FANCA: variants seen among roughly 807,000 people sequenced by gnomAD.
FANCA encodes the protein Fanconi anemia group A protein.
Under a neutral mutation model 194.3 loss-of-function variants are expected in FANCA, and 236 were observed. The observed-to-expected ratio is 1.21, with a 90% CI of 1.09 to 1.35. FANCA has a LOEUF of 1.35. Among genes scored for constraint, FANCA ranks in the 40% most tolerant of loss-of-function variants. The pLI is 0.00. For missense variants in FANCA, 2,628 were observed against 1,813.9 expected (o/e 1.45, Z -8.15); for synonymous variants, 1,014 against 715.8 (o/e 1.42, Z -6.65).
At chr16:89,783,137 C>T in intron 15 of FANCA, 35 bp from the exon 16 acceptor site, 1 of 1,529,894 alleles carries the variant, frequency 6.5e-7, no homozygotes, top group Non-Finnish European at 9.0e-7. Context: ...CACCGTTAGT[C>T]TGGGAACTGC....
chr16:89,739,288 G>A lies in FANCA; in HGVS notation c.4012C>T (p.Leu1338Phe). ...TRLLPFAFYS[L>F]LSYFHEDAAI... is the part of the protein sequence containing the mutation. Reference sequence around the variant, plus strand: ...GCGTCTTCATGGAAGTAGGAGAGAAGACTAGAGGTAAAGACATAGTGACAA... The same window carrying A: ...GCGTCTTCATGGAAGTAGGAGAGAAAACTAGAGGTAAAGACATAGTGACAA... The change falls in exon 41 of 43, where the codon CTT becomes TTT. Residue 1338 changes from leucine to phenylalanine, a missense_variant and splice_region_variant. Coordinates refer to ENST00000389301, the MANE Select transcript of FANCA (RefSeq NM_000135.4). 3 of 1,614,132 alleles carry A rather than the reference G, an allele frequency of 1.9e-6. No individual in the cohort carries two copies. The highest frequency in any genetic ancestry group is 2.5e-6 in the Non-Finnish European group (3 of 1,180,032).
chr16:89,783,856 C>G (rs923816093), intron 15 of FANCA, among the ~76,000 whole-genome samples: 2 of 151,952 alleles, frequency 1.3e-5, no homozygotes, highest in Non-Finnish European at 2.9e-5. Context: ...CTCCGCCTCC[C>G]GGGTTCAAGC....
At position 89,745,021 on chromosome 16, in the gene FANCA, G is replaced by T. The variant is rs1223685152; in HGVS notation, c.3564C>A (p.His1188Gln). ...GTTCCCGGGGCAGCGGGCTCTGGCA[G>T]TGTCTCCTCCACCGGCAGAGCAGCA... Reference protein sequence around the residue: ...EPVLLCRWRRHCQSPLPRELQ... With the variant: ...EPVLLCRWRRQCQSPLPRELQ... The change falls in exon 36 of 43, where the codon CAC (histidine) becomes CAA (glutamine). Residue 1188 changes from histidine to glutamine, a missense_variant. Physicochemically the swap from His to Gln is conservative, Grantham distance 24. Transcript: ENST00000389301. The T allele has an allele frequency of 6.2e-7, 1 of 1,610,756 alleles. No homozygotes were observed. The highest frequency in any genetic ancestry group is 8.5e-7 in the Non-Finnish European group (1 of 1,179,860).
chr16:89,776,231 G>C (rs1332912412), intron 20 of FANCA, among the ~76,000 whole-genome samples: 2 of 140,016 alleles, frequency 1.4e-5, no homozygotes, highest in South Asian at 2.3e-4. Context: ...GCAGTGGTGC[G>C]ATCTCGGCTC....
At position 89,796,002 on chromosome 16, in the gene FANCA, C is replaced by T; in HGVS notation, c.910G>A (p.Gly304Arg). ...IVRCWFGVFS[G>R]HTLGSVISTD... Reference sequence around the variant, plus strand: ...GAAATTACACTGCCAAGCGTGTGTCCACTGAACACTCCGAACCTGCCAATG... The same window carrying T: ...GAAATTACACTGCCAAGCGTGTGTCTACTGAACACTCCGAACCTGCCAATG... The change falls in exon 11 of 43, where the codon GGA becomes AGA. Residue 304 changes from glycine to arginine, a missense_variant. By Grantham distance (125) the Gly-to-Arg change is moderately radical. Transcript: ENST00000389301. 6.2e-7 allele frequency: 1 copy of T among 1,614,002 alleles called. No individual in the cohort carries two copies. Among genetic ancestry groups the T allele is most frequent in the South Asian group, 1.1e-5 (1 of 91,086 alleles).
At chr16:89,774,773 G>A (rs1211923637) in intron 21 of FANCA, among the ~76,000 whole-genome samples, 1 of 135,142 alleles carries the variant, frequency 7.4e-6, no homozygotes, top group East Asian at 2.2e-4. Context: ...AGCCTCCCTG[G>A]CCCTGCAGGT....
chr16:89,744,702 T>G (rs1429718129), intron 36 of FANCA: 4 of 513,726 alleles, frequency 7.8e-6, no homozygotes, highest in Non-Finnish European at 1.4e-5. Context: ...AGAGTCTTGC[T>G]CTATTGGCCG....
Position 89,738,724 on chromosome 16 carries a change from A to ACTC in FANCA, c.4261-17_4261-16insGAG. On this transcript the variant is annotated splice_polypyrimidine_tract_variant and intron_variant, in intron 42 of 42. Transcript: ENST00000389301. The stretch of plus-strand genomic sequence containing the variant: ...CAGCCAGCAGCTGTGAGAGAGGAGC[A>ACTC]GGTCCTCAGCCCATGCCGCCCACTA... The ACTC allele has an allele frequency of 6.2e-7, 1 of 1,613,602 alleles. No individual in the cohort carries two copies. Among genetic ancestry groups the ACTC allele is most frequent in the African/African-American group, 1.3e-5 (1 of 75,050 alleles).
At position 89,799,150 on chromosome 16, in the gene FANCA, A is replaced by G. The variant is rs777027445; in HGVS notation, c.893+16T>C. On this transcript the variant is annotated intron_variant, in intron 10 of 42. Coordinates refer to ENST00000389301, the MANE Select transcript of FANCA (RefSeq NM_000135.4). ...TCCCTGCTGCACACTCAGGCAGGCCACCCTCAGGAACATACCAGCACCTCA... is the reference window on the plus strand; with the variant it reads ...TCCCTGCTGCACACTCAGGCAGGCCGCCCTCAGGAACATACCAGCACCTCA... 2.5e-6 allele frequency: 4 copies of G among 1,614,032 alleles called. No homozygotes were observed. The Admixed American group carries it at 6.7e-5, about 27-fold the overall frequency.
At chr16:89,815,454 C>G (rs911823685) in intron 2 of FANCA, among the ~76,000 whole-genome samples, 1 of 142,250 alleles carries the variant, frequency 7.0e-6, no homozygotes, top group African/African-American at 2.6e-5. Flanking sequence ...GGTCCAGGTT[C>G]AAGCAATTCT....
intron 3 of FANCA, among the ~76,000 whole-genome samples, chr16:89,812,337 C>CA (rs1377059641): frequency 6.7e-6 from 1 of 148,328 alleles, no homozygotes; most frequent in Non-Finnish European, 1.5e-5. Flanking sequence ...GACTTCATCT[C>CA]AAAAAAACAA....
chr16:89,742,166 A>G (rs2062149311), intron 37 of FANCA, among the ~76,000 whole-genome samples: 1 of 152,096 alleles, frequency 6.6e-6, no homozygotes, highest in East Asian at 1.9e-4. Flanking sequence ...TAGTAGAGAC[A>G]GGGTTTCACC....
chr16:89,760,911 C>G (rs2038929261), intron 29 of FANCA, among the ~76,000 whole-genome samples: 1 of 152,140 alleles, frequency 6.6e-6, no homozygotes, highest in Non-Finnish European at 1.5e-5. Context: ...CACAGGTGTA[C>G]AGCTCCCGGA....
chr16:89,764,997 GGCTGGCTAC>G lies in FANCA; in HGVS notation c.2662_2670del (p.Val888_Ser890del). The stretch of plus-strand genomic sequence containing the variant: ...GGAAGGTGCAAGGGTCTCCAGGAAA[GGCTGGCTAC>G]GTCCTCCTCAGAAAGAGGCTGTCGG... On this transcript the variant is annotated inframe_deletion, in exon 28 of 43. Coordinates refer to ENST00000389301, the MANE Select transcript of FANCA (RefSeq NM_000135.4). 1 of 1,614,256 alleles carries G rather than the reference GGCTGGCTAC, an allele frequency of 6.2e-7. No homozygotes were observed. The highest frequency in any genetic ancestry group is 8.5e-7 in the Non-Finnish European group (1 of 1,180,046).
intron 7 of FANCA, among the ~76,000 whole-genome samples, chr16:89,804,190 C>T (rs1242266195): frequency 6.6e-6 from 1 of 152,114 alleles, no homozygotes; most frequent in Non-Finnish European, 1.5e-5. Flanking sequence ...CACCAAAAAG[C>T]TTTAGGAAAA....
chr16:89,814,890 G>C (rs542846379), intron 2 of FANCA, among the ~76,000 whole-genome samples: 1 of 151,896 alleles, frequency 6.6e-6, no homozygotes, highest in African/African-American at 2.4e-5. Flanking sequence ...GCAGTGAGCC[G>C]AGATCACCCC....
chr16:89,775,713 C>A, intron 21 of FANCA, 29 bp downstream of exon 21: 1 of 1,585,976 alleles, frequency 6.3e-7, no homozygotes, highest in South Asian at 1.1e-5. Flanking sequence ...GCACAAGTCC[C>A]AGAGTGGACA....
chr16:89,738,412 C>G lies in FANCA; in HGVS notation c.*189G>C. ...CAAGTAGCCTTCCTCTGCTCTGGGACCAGTGGTTTATTTTCCCGCAAACGC... is the reference window on the plus strand; with the variant it reads ...CAAGTAGCCTTCCTCTGCTCTGGGAGCAGTGGTTTATTTTCCCGCAAACGC... On this transcript the variant is annotated 3_prime_UTR_variant, in exon 43 of 43. Transcript: ENST00000389301. 4 of 1,369,078 alleles carry G rather than the reference C, an allele frequency of 2.9e-6. No individual in the cohort carries two copies. Among genetic ancestry groups the G allele is most frequent in the Non-Finnish European group, 4.0e-6 (4 of 1,009,906 alleles). 84.8% of individuals were successfully genotyped at this position (1,369,078 alleles called of 1,614,324 possible). A position where few individuals can be genotyped will look rare whatever the true frequency, so the allele number is the denominator to read the frequency against.
chr16:89,769,819 T>C lies in FANCA; in HGVS notation c.2504+18A>G. On this transcript the variant is annotated intron_variant, in intron 26 of 42. Coordinates refer to ENST00000389301, the MANE Select transcript of FANCA (RefSeq NM_000135.4). ...CGAGAGAGAGGAGAGAAGACGCGAC[T>C]GTGGAAGAAGAGCTCACTTCAGGCA... The C allele has an allele frequency of 1.2e-6, 2 of 1,613,810 alleles. No homozygotes were observed. Among genetic ancestry groups the C allele is most frequent in the South Asian group, 1.1e-5 (1 of 91,048 alleles).
Sources: gnomAD v4.1 joint callset for allele counts (sites outside exome capture counted in the v4.1 genomes callset) on GRCh38, gnomAD v4.1.1 for gene constraint, MANE v1.5 for transcripts, NCBI Gene and HGNC (gene_info 2026-07-23, HGNC 2026-07-21) for gene names.